UBAC1: variants seen among roughly 807,000 people sequenced by gnomAD.
UBAC1 encodes ubiquitin-associated domain-containing protein 1.
A neutral mutation model predicts 45.9 loss-of-function variants in UBAC1; 27 were observed. The observed-to-expected ratio is 0.59, with a 90% CI of 0.43 to 0.81. UBAC1 has a LOEUF of 0.81. Among genes scored for constraint, UBAC1 ranks in the 30% least tolerant of loss-of-function variants. The pLI, the probability that UBAC1 is intolerant of heterozygous loss-of-function variation, is 0.00. For missense variants in UBAC1, 529 were observed against 539.2 expected (o/e 0.98, Z 0.19); for synonymous variants, 227 against 215.5 (o/e 1.05, Z -0.47).
In UBAC1 at chr9:135,935,836, C is replaced by G. The variant is rs1329610284; in HGVS notation, c.1103-2321G>C. ...GGTCAGGAGATCAAGACCATCCTGG[C>G]TAACACGGTGAAACCCTGTCTCTAC... On this transcript the variant is annotated intron_variant, in intron 9 of 9. Transcript: ENST00000371756. Among the ~76,000 whole-genome samples the G allele has an allele frequency of 3.3e-5, 5 of 152,202 alleles. No homozygotes were observed. The East Asian group carries it at 9.7e-4, about 29-fold the overall frequency.
intron 3 of UBAC1, 138 bp from the exon 4 acceptor site, chr9:135,948,043 T>TG: frequency 1.4e-6 from 1 of 703,738 alleles, no homozygotes; most frequent in Non-Finnish European, 2.3e-6. Context: ...CTTGATGAGC[T>TG]GGGGGAGCCT....
chr9:135,960,124 T>C (rs1440120287), intron 1 of UBAC1, among the ~76,000 whole-genome samples: 2 of 152,212 alleles, frequency 1.3e-5, no homozygotes, highest in East Asian at 3.9e-4. Flanking sequence ...ACTTATCACA[T>C]GGAGTCGCCA....
chr9:135,945,360 C>T lies in UBAC1; in HGVS notation c.654-110G>A, dbSNP rs116315060. 9.6e-6 allele frequency: 9 copies of T among 935,710 alleles called. No homozygotes were observed. In the African/African-American group the frequency reaches 1.3e-4, roughly 14 times the overall value. 58.0% of individuals were successfully genotyped at this position (935,710 alleles called of 1,614,324 possible). ...GCTATGGTAGTGACTTCTCCAGCAT[C>T]AGCTGGTGACCCTTATAACAAGAAC... On this transcript the variant is annotated intron_variant, in intron 6 of 9. Transcript: ENST00000371756.
rs534062965 is a variant in UBAC1 at position 135,936,815 on chromosome 9, T to A, written c.1102+1407A>T. On this transcript the variant is annotated intron_variant, in intron 9 of 9. Coordinates refer to ENST00000371756, the MANE Select transcript of UBAC1 (RefSeq NM_016172.3). Reference sequence around the variant, plus strand: ...GCCATGGAGGGTTTTCTTTAAAGGTTCACATCTTAAAAAAAATACAGACAC... The same window carrying A: ...GCCATGGAGGGTTTTCTTTAAAGGTACACATCTTAAAAAAAATACAGACAC... Among the ~76,000 whole-genome samples the A allele has an allele frequency of 2.0e-4, 31 of 152,104 alleles. 1 individual carries two copies. In the South Asian group the frequency reaches 6.2e-3, roughly 31 times the overall value.
At chr9:135,937,940 G>A (rs532014324) in intron 9 of UBAC1, among the ~76,000 whole-genome samples, 5 of 152,150 alleles carry the variant, frequency 3.3e-5, no homozygotes, top group Non-Finnish European at 7.4e-5. Context: ...TCTCCACCCC[G>A]CTGGCCCTCG....
chr9:135,937,864 G>A (rs898385776), intron 9 of UBAC1, among the ~76,000 whole-genome samples: 2 of 152,182 alleles, frequency 1.3e-5, no homozygotes, highest in Admixed American at 1.3e-4. Flanking sequence ...AGACCCTGAC[G>A]AGTAGTAAGA....
At chr9:135,959,937 AG>A (rs1462356987) in intron 1 of UBAC1, among the ~76,000 whole-genome samples, 2 of 152,192 alleles carry the variant, frequency 1.3e-5, no homozygotes, top group African/African-American at 2.4e-5. Flanking sequence ...GCGTTCCAGA[AG>A]GGGGCTTGCC....
At chr9:135,951,277 T>C (rs1839403484) in intron 3 of UBAC1, among the ~76,000 whole-genome samples, 1 of 152,072 alleles carries the variant, frequency 6.6e-6, no homozygotes, top group Non-Finnish European at 1.5e-5. Context: ...AGATTTGTAG[T>C]ATTATTCGAC....
rs776538614 is a variant in UBAC1, at chr9:135,945,136, G to A, written c.768C>T (p.Ala256=). The part of the protein sequence containing the change: ...PPEAEGATAA[A]SEAAAGASAT... ...CGCTGGCTCCCGCGGCAGCCTCGGA[G>A]GCAGCTGCTGTGGCCCCCTCGGCCT... Residue 256 remains alanine, a synonymous_variant, in exon 7 of 10, where the codon GCC becomes GCT. Coordinates refer to ENST00000371756, the MANE Select transcript of UBAC1 (RefSeq NM_016172.3). The A allele has an allele frequency of 6.2e-7, 1 of 1,613,944 alleles. No homozygotes were observed. The highest frequency in any genetic ancestry group is 1.1e-5 in the South Asian group (1 of 91,020).
Position 135,948,189 on chromosome 9 carries a change from C to T in UBAC1, c.334-284G>A, listed in dbSNP as rs912359328. On this transcript the variant is annotated intron_variant, in intron 3 of 9. Coordinates refer to ENST00000371756, the MANE Select transcript of UBAC1 (RefSeq NM_016172.3). ...AACGACAACCACACAGGGACCGTGGCAGGGCTGGGGCAAGGGAGGCGACTC... is the reference window on the plus strand; with the variant it reads ...AACGACAACCACACAGGGACCGTGGTAGGGCTGGGGCAAGGGAGGCGACTC... 4 of 365,640 alleles carry T rather than the reference C, an allele frequency of 1.1e-5. No homozygotes were observed. In the Admixed American group the frequency reaches 1.4e-4, roughly 13 times the overall value. The allele number at this position is 365,640 out of a possible 1,614,324, so 22.6% of individuals were successfully genotyped here.
At chr9:135,941,396 A>T (rs964954961) in intron 7 of UBAC1, among the ~76,000 whole-genome samples, 3 of 151,858 alleles carry the variant, frequency 2.0e-5, no homozygotes, top group Admixed American at 2.0e-4. Flanking sequence ...ACACAGTGAG[A>T]CTCCATCTCA....
At chr9:135,948,137 G>T in intron 3 of UBAC1, 1 of 479,736 alleles carries the variant, frequency 2.1e-6, no homozygotes, top group Non-Finnish European at 3.7e-6. Flanking sequence ...CGGTAGGTGA[G>T]GGGCAGAGCA....
In UBAC1 at chr9:135,945,029, C is replaced by T. The variant is rs1397393200; in HGVS notation, c.875G>A (p.Arg292Gln). 1 of 1,613,122 alleles carries T rather than the reference C, an allele frequency of 6.2e-7. No individual in the cohort carries two copies. The highest frequency in any genetic ancestry group is 2.2e-5 in the East Asian group (1 of 44,854). The change falls in exon 7 of 10, where the codon CGG becomes CAG. Residue 292 changes from arginine (R) to glutamine (Q), a missense_variant and splice_region_variant. Physicochemically the swap from Arg to Gln is conservative, Grantham distance 43. Coordinates refer to ENST00000371756, the MANE Select transcript of UBAC1 (RefSeq NM_016172.3). The part of the protein sequence containing the change: ...RRKREFRADA[R>Q]AVISLMEMGF... The stretch of plus-strand genomic sequence containing the variant: ...GGCGACAGGTCTAGTAACACATACC[C>T]GAGCATCAGCCCGAAACTCCCTTTT...
rs919665715 is a variant in UBAC1, at chr9:135,933,213, C to T, written c.*187G>A. On this transcript the variant is annotated 3_prime_UTR_variant, in exon 10 of 10. Coordinates refer to ENST00000371756, the MANE Select transcript of UBAC1 (RefSeq NM_016172.3). ...AAACACCTGTCAGATGCTAAAAATA[C>T]GGCCTTACACACTACCGTCACCAAA... is the stretch of plus-strand genomic sequence containing the variant. 4.4e-5 allele frequency: 25 copies of T among 562,680 alleles called. No homozygotes were observed. The highest frequency in any genetic ancestry group is 2.8e-4 in the African/African-American group (15 of 52,870). 34.9% of individuals were successfully genotyped at this position (562,680 alleles called of 1,614,324 possible).
intron 3 of UBAC1, among the ~76,000 whole-genome samples, chr9:135,948,983 T>G (rs1294190764): frequency 6.7e-6 from 1 of 150,120 alleles, no homozygotes; most frequent in Non-Finnish European, 1.5e-5. Context: ...GGCAGGAGAA[T>G]CACTTGAACC....
Position 135,946,383 on chromosome 9 carries a change from A to G in UBAC1, c.442-12T>C. 1 of 1,563,686 alleles carries G rather than the reference A, an allele frequency of 6.4e-7. No individual in the cohort carries two copies. The highest frequency in any genetic ancestry group is 1.7e-4 in the Middle Eastern group (1 of 5,990). The stretch of plus-strand genomic sequence containing the variant: ...AGTTCTGTCTGGAACTGTGGTGAAA[A>G]AAAAGGAGATCAATTCTCTAAATGT... On this transcript the variant is annotated splice_polypyrimidine_tract_variant and intron_variant, in intron 4 of 9. Transcript: ENST00000371756.
In UBAC1 at chr9:135,938,284, AAG is replaced by A; in HGVS notation, c.1038_1039del (p.Phe347SerfsTer6). On this transcript the variant is annotated frameshift_variant, in exon 9 of 10. Transcript: ENST00000371756. LOFTEE classifies it high-confidence loss of function. The stretch of plus-strand genomic sequence containing the variant: ...CACCGGGTTATCCAGGATGGCCTGA[AAG>A]AGAGGACTGTCGGGGTCGATGCCCT... 1.9e-6 allele frequency: 3 copies of A among 1,614,184 alleles called. No individual in the cohort carries two copies. Among genetic ancestry groups the A allele is most frequent in the Non-Finnish European group, 2.5e-6 (3 of 1,180,024 alleles).
At chr9:135,951,535 G>A (rs1389253826) in intron 3 of UBAC1, among the ~76,000 whole-genome samples, 3 of 152,068 alleles carry the variant, frequency 2.0e-5, no homozygotes, top group African/African-American at 2.4e-5. Context: ...TAGGCCAGGC[G>A]CAATGGCTCA....
At chr9:135,942,235 G>A (rs940927779) in intron 7 of UBAC1, 2 of 152,240 alleles carry the variant, frequency 1.3e-5, no homozygotes, top group African/African-American at 4.8e-5. Flanking sequence ...GACCCAGCTG[G>A]AGAGTGACTG....
Sources: allele counts gnomAD v4.1 joint callset (sites outside exome capture counted in the v4.1 genomes callset), GRCh38; gene constraint gnomAD v4.1.1; transcripts MANE v1.5; gene names NCBI Gene and HGNC (gene_info 2026-07-23, HGNC 2026-07-21).